The following SPEN variants were observed in gnomAD, a reference collection of about 807,000 sequenced individuals.
The protein encoded by SPEN is spen family transcriptional repressor, also known as msx2-interacting protein.
A neutral mutation model predicts 269.9 loss-of-function variants in SPEN; 18 were observed. The observed-to-expected ratio is 0.07, with a 90% CI of 0.05 to 0.10. The LOEUF (loss-of-function observed/expected upper bound fraction) is 0.10, where lower values mean the gene tolerates loss of function less well. Ranked by LOEUF, SPEN falls within the 10% of genes least tolerant of loss-of-function variation. The pLI, the probability that SPEN is intolerant of heterozygous loss-of-function variation, is 1.00. For synonymous variants in SPEN, 1,726 were observed against 1,765.7 expected, an observed-to-expected ratio of 0.98 and a Z score of 0.56; for missense variants, 3,822 against 4,631.2, an observed-to-expected ratio of 0.83 and a Z score of 5.07.
chr1:15,919,365 G>A (rs2071095288), intron 7 of SPEN, 39 bp from the exon 8 acceptor site: 1 of 1,321,860 alleles, frequency 7.6e-7, no homozygotes, highest in African/African-American at 1.5e-5. Flanking sequence ...AATAGTAATT[G>A]TGAACTTTAC....
chr1:15,925,711 C>T (rs2071160236), intron 10 of SPEN, among the ~76,000 whole-genome samples: 1 of 151,928 alleles, frequency 6.6e-6, no homozygotes, highest in Admixed American at 6.6e-5. Flanking sequence ...CTACCATGCC[C>T]AGCTCGTATT....
At chr1:15,897,313 C>T (rs2070851873) in intron 3 of SPEN, among the ~76,000 whole-genome samples, 1 of 151,756 alleles carries the variant, frequency 6.6e-6, no homozygotes, top group Non-Finnish European at 1.5e-5. Flanking sequence ...CTCAGCCACC[C>T]GAGTAGCTGG....
At chr1:15,907,901 A>G (rs2070974849) in intron 3 of SPEN, among the ~76,000 whole-genome samples, 1 of 151,978 alleles carries the variant, frequency 6.6e-6, no homozygotes, top group Non-Finnish European at 1.5e-5. Context: ...ATTTAAATGT[A>G]TTTTTTTCTT....
chr1:15,925,539 T>C (rs1006659219), intron 10 of SPEN, among the ~76,000 whole-genome samples: 3 of 151,672 alleles, frequency 2.0e-5, no homozygotes, highest in Non-Finnish European at 4.4e-5. Context: ...CTTATACATA[T>C]ATTTCTGCCT....
chr1:15,938,619 C>A (rs2148745827), intron 13 of SPEN, 99 bp from the exon 14 acceptor site: 14 of 607,900 alleles, frequency 2.3e-5, no homozygotes, highest in Non-Finnish European at 3.1e-5. Flanking sequence ...AAAGTCATCT[C>A]AGAGGTGGGG....
chr1:15,875,244 TAGGTTGAC>T (rs1171565264), intron 2 of SPEN, among the ~76,000 whole-genome samples: 3 of 150,534 alleles, frequency 2.0e-5, no homozygotes, highest in Non-Finnish European at 4.4e-5. Flanking sequence ...TTGTACTTTT[TAGGTTGAC>T]AGGTATTCAC....
chr1:15,938,661 G>A, intron 13 of SPEN, 57 bp from the exon 14 acceptor site: 2 of 1,508,948 alleles, frequency 1.3e-6, no homozygotes, highest in Non-Finnish European at 8.9e-7. Flanking sequence ...TGGGTTGGAT[G>A]TGGGCTGCTG....
chr1:15,867,544 G>C (rs981725899), intron 1 of SPEN, among the ~76,000 whole-genome samples: 1 of 151,938 alleles, frequency 6.6e-6, no homozygotes, highest in Admixed American at 6.6e-5. Context: ...CATTTAGATT[G>C]TTTCTCATTT....
At position 15,931,161 on chromosome 1, in the gene SPEN, A is replaced by C. The variant is rs775704697; in HGVS notation, c.4921A>C (p.Ser1641Arg). 6.2e-7 allele frequency: 1 copy of C among 1,614,118 alleles called. No homozygotes were observed. The highest frequency in any genetic ancestry group is 8.5e-7 in the Non-Finnish European group (1 of 1,180,044). The change falls in exon 11 of 15, where the codon AGT becomes CGT. Residue 1641 changes from serine (S) to arginine (R), a missense_variant. Ser to Arg is a moderately radical substitution (Grantham distance 110). Around this residue, in one of 16 missense-constraint regions of SPEN, gnomAD observed 533 missense variants for 618.8 expected, o/e 0.86. Coordinates refer to ENST00000375759, the MANE Select transcript of SPEN (RefSeq NM_015001.3). This position sits in a 1 kb window ranked among gnomAD's most constrained non-coding sequence, Gnocchi z 4.8. The part of the protein sequence containing the change: ...LKTPPSVGPP[S>R]VTVVTLESAP... ...AACTCCACCTTCCGTTGGGCCTCCAAGTGTCACAGTCGTAACTCTAGAATC... is the reference window on the plus strand; with the variant it reads ...AACTCCACCTTCCGTTGGGCCTCCACGTGTCACAGTCGTAACTCTAGAATC...
In SPEN at chr1:15,931,199, A is replaced by G. The variant is rs1315007874; in HGVS notation, c.4959A>G (p.Ala1653=). The G allele has an allele frequency of 1.9e-6, 3 of 1,614,210 alleles. No homozygotes were observed. The highest frequency in any genetic ancestry group is 1.7e-6 in the Non-Finnish European group (2 of 1,180,032). The change falls in exon 11 of 15, where the codon GCA becomes GCG. Residue 1653 remains alanine, a synonymous_variant. Coordinates refer to ENST00000375759, the MANE Select transcript of SPEN (RefSeq NM_015001.3). This position sits in a 1 kb window ranked among gnomAD's most constrained non-coding sequence, Gnocchi z 4.8. ...TAACTCTAGAATCAGCCCCATCAGC[A>G]CTAGAGAAGACCACTGGTGACAAAA... ...TVVTLESAPS[A]LEKTTGDKTV... is the part of the protein sequence containing the mutation.
At chr1:15,902,054 A>G (rs2070907037) in intron 3 of SPEN, among the ~76,000 whole-genome samples, 1 of 150,198 alleles carries the variant, frequency 6.7e-6, no homozygotes, top group African/African-American at 2.5e-5. Flanking sequence ...TTAGCCTCCC[A>G]AGTAGCTGGG....
In SPEN at chr1:15,847,838, C is replaced by T. The variant is rs2070287196; in HGVS notation, c.-230C>T. 3.9e-6 allele frequency: 1 copy of T among 253,178 alleles called. No homozygotes were observed. The highest frequency in any genetic ancestry group is 2.2e-5 in the African/African-American group (1 of 44,570). 15.7% of individuals were successfully genotyped at this position (253,178 alleles called of 1,614,324 possible). A position where few individuals can be genotyped will look rare whatever the true frequency, so the allele number is the denominator to read the frequency against. On this transcript the variant is annotated 5_prime_UTR_variant, in exon 1 of 15. Transcript: ENST00000375759. The stretch of plus-strand genomic sequence containing the variant: ...TGCGCTGCCGGAGCGCGAGGGTCGG[C>T]TTCGGGTGTGTGGTGGCGGCAGAGC...
At chr1:15,852,464 A>G (rs886822197) in intron 1 of SPEN, among the ~76,000 whole-genome samples, 1 of 152,224 alleles carries the variant, frequency 6.6e-6, no homozygotes, top group Non-Finnish European at 1.5e-5. Context: ...ATACAGAAAA[A>G]TTATACAGAA....
At position 15,932,388 on chromosome 1, in the gene SPEN, A is replaced by G; in HGVS notation, c.6148A>G (p.Thr2050Ala). Reference protein sequence around the residue: ...EQKRDRKDAGTDKNPPETAPV... With the variant: ...EQKRDRKDAGADKNPPETAPV... ...GAAACGTGACAGAAAAGATGCTGGCACAGACAAAAACCCCCCTGAAACCGC... is the reference window on the plus strand; with the variant it reads ...GAAACGTGACAGAAAAGATGCTGGCGCAGACAAAAACCCCCCTGAAACCGC... Residue 2050 changes from threonine to alanine, a missense_variant, in exon 11 of 15, where the codon ACA becomes GCA. Transcript: ENST00000375759. This position sits in a 1 kb window ranked among gnomAD's most constrained non-coding sequence, Gnocchi z 4.2. The G allele has an allele frequency of 6.2e-7, 1 of 1,614,188 alleles. No homozygotes were observed. The highest frequency in any genetic ancestry group is 8.5e-7 in the Non-Finnish European group (1 of 1,180,038).
chr1:15,915,206 G>A (rs552468559), intron 5 of SPEN, among the ~76,000 whole-genome samples: 4 of 152,274 alleles, frequency 2.6e-5, no homozygotes, highest in East Asian at 1.9e-4. Flanking sequence ...TTCTGTGTCA[G>A]TGATTATTTT....
rs1195103248 is a variant in SPEN, at chr1:15,934,371, G to A, written c.8131G>A (p.Val2711Met). ...GCCAGTGAATGTTCTCACCACTCCA[G>A]TGAACGCCACGGTGGGCACAGTGAA... ...TGPVNVLTTPVNATVGTVNAA... is the reference protein window; with the variant it reads ...TGPVNVLTTPMNATVGTVNAA... Residue 2711 changes from valine (V) to methionine (M), a missense_variant, in exon 11 of 15, where the codon GTG becomes ATG. Physicochemically the swap from Val to Met is conservative, Grantham distance 21. Coordinates refer to ENST00000375759, the MANE Select transcript of SPEN (RefSeq NM_015001.3). This position sits in a 1 kb window ranked among gnomAD's most constrained non-coding sequence, Gnocchi z 9.2. 5.6e-6 allele frequency: 9 copies of A among 1,613,476 alleles called. No individual in the cohort carries two copies. The highest frequency in any genetic ancestry group is 7.6e-6 in the Non-Finnish European group (9 of 1,180,060).
At chr1:15,866,589 G>C (rs982117076) in intron 1 of SPEN, among the ~76,000 whole-genome samples, 1 of 152,124 alleles carries the variant, frequency 6.6e-6, no homozygotes, top group Non-Finnish European at 1.5e-5. Context: ...TACTGACCTC[G>C]TGATCTGCCT....
chr1:15,865,213 G>A (rs937335856), intron 1 of SPEN, among the ~76,000 whole-genome samples: 24 of 151,614 alleles, frequency 1.6e-4, no homozygotes, highest in African/African-American at 5.6e-4. Context: ...TGCCATGCCT[G>A]GCTAAATTTT....
Position 15,932,051 on chromosome 1 carries a change from G to C in SPEN, c.5811G>C (p.Glu1937Asp). ...TGACCAGAAAGAGATTGGAGCGAGAGCTTCAGGAGGCTGCAGCGGTTCCCA... is the reference window on the plus strand; with the variant it reads ...TGACCAGAAAGAGATTGGAGCGAGACCTTCAGGAGGCTGCAGCGGTTCCCA... ...PRVTRKRLER[E>D]LQEAAAVPTT... is the part of the protein sequence containing the mutation. The change falls in exon 11 of 15, where the codon GAG becomes GAC. Residue 1937 changes from glutamate (E) to aspartate (D), a missense_variant. Transcript: ENST00000375759. This position sits in a 1 kb window ranked among gnomAD's most constrained non-coding sequence, Gnocchi z 4.2. 6.2e-7 allele frequency: 1 copy of C among 1,614,198 alleles called. No individual in the cohort carries two copies. The highest frequency in any genetic ancestry group is 8.5e-7 in the Non-Finnish European group (1 of 1,180,034).
Sources: allele counts gnomAD v4.1 joint callset (sites outside exome capture counted in the v4.1 genomes callset), GRCh38; gene constraint gnomAD v4.1.1; regional missense constraint gnomAD v4.1.1; non-coding constraint Gnocchi (gnomAD v3.1); transcripts MANE v1.5; gene names NCBI Gene and HGNC (gene_info 2026-07-23, HGNC 2026-07-21).